MRPL46: variants seen among roughly 807,000 people sequenced by gnomAD.
The protein encoded by MRPL46 is mitochondrial ribosomal protein L46.
MRPL46 carries 26 observed loss-of-function variants against 31.0 expected under a neutral mutation model. The observed-to-expected ratio is 0.84, with a 90% confidence interval of 0.61 to 1.16. The LOEUF is 1.16. Ranked by LOEUF, MRPL46 falls within the 50% of genes most tolerant of loss-of-function variation. The pLI is 0.00. For missense variants in MRPL46, 395 were observed against 340.0 expected (o/e 1.16, Z -1.27); for synonymous variants, 159 against 141.3 (o/e 1.13, Z -0.89).
chr15:88,465,145 A>C (rs2055511977), intron 2 of MRPL46: 1 of 431,168 alleles, frequency 2.3e-6, no homozygotes, highest in Admixed American at 4.1e-5. Context: ...CAATGATCAT[A>C]CTAATTCAAA....
At chr15:88,461,670 T>C (rs761177789) in intron 3 of MRPL46, 9 of 152,254 alleles carry the variant, frequency 5.9e-5, no homozygotes. Flanking sequence ...GTGCTATTAA[T>C]TGGCAAGAGG....
chr15:88,459,701 T>C lies in MRPL46; in HGVS notation c.752A>G (p.His251Arg). ...GDFSQAGNKG[H>R]HVWVTKDELG... Reference sequence around the variant, plus strand: ...CTCATCCTTAGTGACCCACACATGATGGCCCTTATTCCCAGCCTGGGAAAA... The same window carrying C: ...CTCATCCTTAGTGACCCACACATGACGGCCCTTATTCCCAGCCTGGGAAAA... Residue 251 changes from histidine (H) to arginine (R), a missense_variant, in exon 4 of 4, where the codon CAT becomes CGT. Physicochemically the swap from His to Arg is conservative, Grantham distance 29. Transcript: ENST00000312475. The C allele has an allele frequency of 1.2e-6, 2 of 1,614,228 alleles. No homozygotes were observed. Among genetic ancestry groups the C allele is most frequent in the Non-Finnish European group, 1.7e-6 (2 of 1,180,048 alleles).
Position 88,467,094 on chromosome 15 carries a change from C to T in MRPL46, c.228+56G>A, listed in dbSNP as rs79569357. On this transcript the variant is annotated intron_variant, in intron 1 of 3. Coordinates refer to ENST00000312475, the MANE Select transcript of MRPL46 (RefSeq NM_022163.4). ...ACTTAAGTTCAGAGAGGTGAAATTACTCGCTCAAAGTCACGCAGAATAAAC... is the reference window on the plus strand; with the variant it reads ...ACTTAAGTTCAGAGAGGTGAAATTATTCGCTCAAAGTCACGCAGAATAAAC... 1,254 of 1,577,382 alleles carry T rather than the reference C, an allele frequency of 7.9e-4. 20 individuals are homozygous for T. In the African/African-American group the frequency reaches 0.016, roughly 20 times the overall value.
chr15:88,459,592 G>A lies in MRPL46; in HGVS notation c.*21C>T, dbSNP rs575465306. The stretch of plus-strand genomic sequence containing the variant: ...CTAATCCCAGACTTGTCTGAGCACC[G>A]TCCACAGGCAGCTCGGCCCATCAGA... On this transcript the variant is annotated 3_prime_UTR_variant, in exon 4 of 4. Coordinates refer to ENST00000312475, the MANE Select transcript of MRPL46 (RefSeq NM_022163.4). 1.7e-5 allele frequency: 28 copies of A among 1,613,146 alleles called. No individual in the cohort carries two copies. The highest frequency in any genetic ancestry group is 3.3e-5 in the Admixed American group (2 of 60,022).
Position 88,459,560 on chromosome 15 carries a change from T to C in MRPL46, c.*53A>G, listed in dbSNP as rs2142194515. ...ATGTGAGGCAATCACACAATGTCCT[T>C]GAGGCTCTAATCCCAGACTTGTCTG... On this transcript the variant is annotated 3_prime_UTR_variant, in exon 4 of 4. Coordinates refer to ENST00000312475, the MANE Select transcript of MRPL46 (RefSeq NM_022163.4). 2 of 1,607,944 alleles carry C rather than the reference T, an allele frequency of 1.2e-6. No homozygotes were observed. Among genetic ancestry groups the C allele is most frequent in the East Asian group, 2.2e-5 (1 of 44,838 alleles).
At chr15:88,462,257 A>G (rs2055484462) in intron 3 of MRPL46, 1 of 152,192 alleles carries the variant, frequency 6.6e-6, no homozygotes, top group South Asian at 2.1e-4. Flanking sequence ...TGAGTGGTGG[A>G]ATTGTATTGG....
chr15:88,464,309 C>T (rs997978054), intron 3 of MRPL46: 5 of 226,064 alleles, frequency 2.2e-5, no homozygotes, highest in Non-Finnish European at 4.3e-5. Context: ...GAACAGATCA[C>T]GAGGGACTCA....
chr15:88,464,609 C>A, intron 3 of MRPL46, 94 bp downstream of exon 3: 1 of 1,086,046 alleles, frequency 9.2e-7, no homozygotes, highest in Non-Finnish European at 1.3e-6. Context: ...CCTTCCCACC[C>A]CCACCCTTAA....
At chr15:88,461,973 G>A (rs1002505035) in intron 3 of MRPL46, 7 of 152,050 alleles carry the variant, frequency 4.6e-5, no homozygotes, top group Non-Finnish European at 8.8e-5. Context: ...ACATGTTCCC[G>A]TTATATGCAA....
rs752118327 is a variant in MRPL46, at chr15:88,467,174, T to G, written c.204A>C (p.Glu68Asp). 1.7e-5 allele frequency: 27 copies of G among 1,613,964 alleles called. No individual in the cohort carries two copies. The highest frequency in any genetic ancestry group is 2.2e-5 in the Non-Finnish European group (26 of 1,179,958). The change falls in exon 1 of 4, where the codon GAA (glutamate) becomes GAC (aspartate). Residue 68 changes from glutamate to aspartate, a missense_variant. Glu to Asp is a conservative substitution (Grantham distance 45). Transcript: ENST00000312475. ...CCTGCTGCAGTAGAGACGCCATCTCTTCCTGCAATGGGGTCAACGGCTTGG... is the reference window on the plus strand; with the variant it reads ...CCTGCTGCAGTAGAGACGCCATCTCGTCCTGCAATGGGGTCAACGGCTTGG... ...VVSKPLTPLQ[E>D]EMASLLQQIE...
chr15:88,462,369 AAAAAG>A (rs2055485655), intron 3 of MRPL46: 1 of 152,238 alleles, frequency 6.6e-6, no homozygotes, highest in South Asian at 2.1e-4. Flanking sequence ...TAAACAAATT[AAAAAG>A]AAAAAACAGC....
intron 2 of MRPL46, 74 bp from the exon 3 acceptor site, chr15:88,464,950 CTTCCT>C: frequency 2.6e-6 from 4 of 1,514,844 alleles, no homozygotes; most frequent in Non-Finnish European, 3.6e-6. Context: ...GTTTTACAAT[CTTCCT>C]TTAAGATCCA....
intron 3 of MRPL46, 177 bp from the exon 4 acceptor site, chr15:88,460,040 G>T (rs924744312): frequency 1.4e-5 from 10 of 724,886 alleles, no homozygotes; most frequent in Admixed American, 5.9e-5. Flanking sequence ...CAATCCAAAT[G>T]CCTCCTGGCC....
rs747593790 is a variant in MRPL46 at position 88,467,341 on chromosome 15, C to A, written c.37G>T (p.Ala13Ser). The A allele has an allele frequency of 6.2e-7, 1 of 1,600,402 alleles. No individual in the cohort carries two copies. Among genetic ancestry groups the A allele is most frequent in the Admixed American group, 1.7e-5 (1 of 58,536 alleles). Residue 13 changes from alanine (A) to serine (S), a missense_variant, in exon 1 of 4, where the codon GCG becomes TCG. Ala to Ser is a moderately conservative substitution (Grantham distance 99, BLOSUM62 1). Coordinates refer to ENST00000312475, the MANE Select transcript of MRPL46 (RefSeq NM_022163.4). The stretch of plus-strand genomic sequence containing the variant: ...CTCTCGAACCGCCGCCAACCCCCCG[C>A]CACCCCTAACAGCGTCCGCCTTACG... ...APVRRTLLGV[A>S]GGWRRFERLW...
At chr15:88,460,728 A>C (rs1325137425) in intron 3 of MRPL46, 1 of 152,124 alleles carries the variant, frequency 6.6e-6, no homozygotes, top group Non-Finnish European at 1.5e-5. Flanking sequence ...AATATTTTCC[A>C]ATCTTCTCTG....
intron 3 of MRPL46, 78 bp downstream of exon 3, chr15:88,464,625 T>C: frequency 2.0e-6 from 1 of 506,014 alleles, no homozygotes; most frequent in Non-Finnish European, 3.8e-6. Flanking sequence ...CTTAATCCAA[T>C]TCCCCAGTCA....
Position 88,467,037 on chromosome 15 carries a change from G to C in MRPL46, c.228+113C>G. 2.5e-6 allele frequency: 3 copies of C among 1,210,936 alleles called. No individual in the cohort carries two copies. In the East Asian group the frequency reaches 7.3e-5, roughly 30 times the overall value. 75.0% of individuals were successfully genotyped at this position (1,210,936 alleles called of 1,614,324 possible). ...TCTATGTACCAAACCAAGTCAGTAA[G>C]GTAGGTACCATTCTGCGGATAAGTA... On this transcript the variant is annotated intron_variant, in intron 1 of 3. Transcript: ENST00000312475.
At chr15:88,466,855 T>C (rs1351650390) in intron 1 of MRPL46, among the ~76,000 whole-genome samples, 2 of 152,164 alleles carry the variant, frequency 1.3e-5, no homozygotes, top group East Asian at 3.8e-4. Flanking sequence ...AAAGACTTTC[T>C]CCCTCCAGAC....
intron 3 of MRPL46, chr15:88,461,888 G>C (rs1054378571): frequency 3.3e-5 from 5 of 152,228 alleles, no homozygotes; most frequent in Admixed American, 2.6e-4. Flanking sequence ...GCTTAAGATA[G>C]GTCTTAATAG....
Sources: gnomAD v4.1 joint callset for allele counts (sites outside exome capture counted in the v4.1 genomes callset) on GRCh38, gnomAD v4.1.1 for gene constraint, MANE v1.5 for transcripts, NCBI Gene and HGNC (gene_info 2026-07-23, HGNC 2026-07-21) for gene names.